The following ATXN7L1 variants were observed in gnomAD, a reference collection of about 807,000 sequenced individuals.
ATXN7L1 encodes the protein ataxin-7-like protein 1.
ATXN7L1 carries 15 observed loss-of-function variants against 70.8 expected under a neutral mutation model. That is an observed-to-expected ratio of 0.21 (90% CI 0.14 to 0.33). The LOEUF is 0.33. Among genes scored for constraint, ATXN7L1 ranks in the 10% least tolerant of loss-of-function variants. The pLI is 1.00. For synonymous variants in ATXN7L1, 440 were observed against 445.1 expected (o/e 0.99, Z 0.14); for missense variants, 975 against 1,097.1 (o/e 0.89, Z 1.57).
At chr7:105,828,122 G>A (rs1811124532) in intron 2 of ATXN7L1, among the ~76,000 whole-genome samples, 1 of 152,088 alleles carries the variant, frequency 6.6e-6, no homozygotes, top group African/African-American at 2.4e-5. Context: ...TACATAACTT[G>A]CCCCAAGGGT....
At chr7:105,799,337 C>A (rs1032752765) in intron 2 of ATXN7L1, among the ~76,000 whole-genome samples, 1 of 152,210 alleles carries the variant, frequency 6.6e-6, no homozygotes, top group Non-Finnish European at 1.5e-5. Flanking sequence ...TCGTGTTGCA[C>A]ACACCAACCC....
At chr7:105,857,068 T>A (rs1393204320) in intron 2 of ATXN7L1, among the ~76,000 whole-genome samples, 1 of 152,206 alleles carries the variant, frequency 6.6e-6, no homozygotes, top group Non-Finnish European at 1.5e-5. Context: ...CTTGAGGAAC[T>A]CATAGCCCTC....
intron 3 of ATXN7L1, among the ~76,000 whole-genome samples, chr7:105,765,333 T>C (rs567113899): frequency 1.5e-4 from 22 of 147,420 alleles, no homozygotes; most frequent in Non-Finnish European, 2.7e-4. Flanking sequence ...AAAAAAACCC[T>C]CTAAATAAGT....
At chr7:105,857,980 C>T (rs887465354) in intron 2 of ATXN7L1, among the ~76,000 whole-genome samples, 2 of 152,142 alleles carry the variant, frequency 1.3e-5, no homozygotes. Flanking sequence ...GCCTGTAATC[C>T]CAGCACTTTG....
In ATXN7L1 at chr7:105,673,689, G is replaced by C. The variant is rs184468627; in HGVS notation, c.356-8401C>G. On this transcript the variant is annotated intron_variant, in intron 3 of 11. Transcript: ENST00000419735. Reference sequence around the variant, plus strand: ...GGCAGGGCTGGCACCTTGGCACTGGGAGCCGTGCCAGGAGCCAGGCCAGCT... The same window carrying C: ...GGCAGGGCTGGCACCTTGGCACTGGCAGCCGTGCCAGGAGCCAGGCCAGCT... Among the ~76,000 whole-genome samples the C allele has an allele frequency of 3.3e-3, 508 of 152,338 alleles. 3 individuals carry two copies. The highest frequency in any genetic ancestry group is 5.4e-3 in the Non-Finnish European group (365 of 68,042).
chr7:105,740,784 T>TTTTTTTTTTTCTTTTTTTTTTTG (rs556048408), intron 3 of ATXN7L1, among the ~76,000 whole-genome samples: 1 of 77,926 alleles, frequency 1.3e-5, no homozygotes, highest in African/African-American at 6.1e-5. Flanking sequence ...TTTTTTTTTT[T>TTTTTTTTTTTCTTTTTTTTTTTG]AATGGAGTCT....
rs146260706 is a variant in ATXN7L1, at chr7:105,762,113, A to C, written c.355+26491T>G. On this transcript the variant is annotated intron_variant, in intron 3 of 11. Coordinates refer to ENST00000419735, the MANE Select transcript of ATXN7L1 (RefSeq NM_020725.2). ...GTGCAACCCAGGAGCTGTAGCCATG[A>C]AGGGCTGACTGCTGCCATTACTGGC... Among the ~76,000 whole-genome samples, 343 of 152,342 alleles carry C rather than the reference A, an allele frequency of 2.3e-3. 10 individuals carry two copies. Among genetic ancestry groups the C allele is most frequent in the Admixed American group, 0.017 (264 of 15,306 alleles).
intron 2 of ATXN7L1, among the ~76,000 whole-genome samples, chr7:105,859,764 AT>A (rs1337005241): frequency 6.9e-6 from 1 of 145,180 alleles, no homozygotes; most frequent in Admixed American, 7.3e-5. Context: ...ATGACTGTAT[AT>A]TTCTTTTTCT....
chr7:105,812,700 C>A (rs1347373305), intron 2 of ATXN7L1, among the ~76,000 whole-genome samples: 1 of 152,162 alleles, frequency 6.6e-6, no homozygotes, highest in Non-Finnish European at 1.5e-5. Context: ...AGGAATTCAT[C>A]AGTGATAAAC....
At chr7:105,813,525 CG>C (rs1808744483) in intron 2 of ATXN7L1, among the ~76,000 whole-genome samples, 1 of 151,862 alleles carries the variant, frequency 6.6e-6, no homozygotes, top group South Asian at 2.1e-4. Flanking sequence ...TTAGTAGAGA[CG>C]GGGTTTCTCC....
At position 105,604,853 on chromosome 7, in the gene ATXN7L1, T is replaced by C. The variant is rs1213965755; in HGVS notation, c.*2999A>G. Reference sequence around the variant, plus strand: ...CCCACAGAGTTTTGTTAAAGTGCCATGGGCCGACAGCATAACAAAATATAA... The same window carrying C: ...CCCACAGAGTTTTGTTAAAGTGCCACGGGCCGACAGCATAACAAAATATAA... On this transcript the variant is annotated 3_prime_UTR_variant, in exon 12 of 12. Coordinates refer to ENST00000419735, the MANE Select transcript of ATXN7L1 (RefSeq NM_020725.2). Among the ~76,000 whole-genome samples the C allele has an allele frequency of 1.3e-5, 2 of 152,208 alleles. No individual in the cohort carries two copies. The highest frequency in any genetic ancestry group is 2.9e-5 in the Non-Finnish European group (2 of 68,028).
At chr7:105,793,564 C>T (rs1248854816) in intron 2 of ATXN7L1, among the ~76,000 whole-genome samples, 1 of 152,126 alleles carries the variant, frequency 6.6e-6, no homozygotes, top group Non-Finnish European at 1.5e-5. Flanking sequence ...CACATGTGTA[C>T]ACATGTGGAC....
At chr7:105,698,093 G>C (rs1791976624) in intron 3 of ATXN7L1, among the ~76,000 whole-genome samples, 1 of 152,142 alleles carries the variant, frequency 6.6e-6, no homozygotes, top group Non-Finnish European at 1.5e-5. Context: ...TAGCTGTGGG[G>C]GCTATTGGTT....
intron 4 of ATXN7L1, among the ~76,000 whole-genome samples, chr7:105,656,125 C>CA (rs1353001794): frequency 6.6e-6 from 1 of 152,226 alleles, no homozygotes; most frequent in Non-Finnish European, 1.5e-5. Context: ...CTGAGTTCCC[C>CA]ATCAATTCGC....
At chr7:105,655,769 T>C (rs1800530240) in intron 4 of ATXN7L1, among the ~76,000 whole-genome samples, 1 of 152,028 alleles carries the variant, frequency 6.6e-6, no homozygotes, top group East Asian at 1.9e-4. Flanking sequence ...ACTTCCAGAG[T>C]GCTTACACTC....
At chr7:105,872,168 AT>A (rs1189262292) in intron 2 of ATXN7L1, among the ~76,000 whole-genome samples, 1 of 151,892 alleles carries the variant, frequency 6.6e-6, no homozygotes, top group African/African-American at 2.4e-5. Flanking sequence ...AATTTTTTGT[AT>A]TTTTAGTAGA....
intron 9 of ATXN7L1, among the ~76,000 whole-genome samples, chr7:105,619,140 G>GTTTTATTTTTTTTTT (rs1794382228): frequency 6.0e-5 from 3 of 49,846 alleles, no homozygotes; most frequent in East Asian, 8.2e-4. Context: ...GAAATCTTTA[G>GTTTTATTTTTTTTTT]TTTTTTTTTT....
intron 3 of ATXN7L1, among the ~76,000 whole-genome samples, chr7:105,756,831 G>A (rs1469354372): frequency 6.6e-6 from 1 of 152,190 alleles, no homozygotes; most frequent in Non-Finnish European, 1.5e-5. Context: ...CCTGCAGTAA[G>A]TCCAGAACCC....
chr7:105,856,489 G>A (rs1815744638), intron 2 of ATXN7L1, among the ~76,000 whole-genome samples: 2 of 151,692 alleles, frequency 1.3e-5, no homozygotes, highest in South Asian at 4.2e-4. Flanking sequence ...GGGAGGCTGA[G>A]GCAGGAGAAT....
Sources: gnomAD v4.1 joint callset for allele counts (sites outside exome capture counted in the v4.1 genomes callset) on GRCh38, gnomAD v4.1.1 for gene constraint, MANE v1.5 for transcripts, NCBI Gene and HGNC (gene_info 2026-07-23, HGNC 2026-07-21) for gene names.